The following FAM200C variants were observed in gnomAD, a reference collection of about 807,000 sequenced individuals.
At chr5:160,394,229 T>C in the FAM200C span, 1 of 1,612,160 alleles carries the variant, frequency 6.2e-7, no homozygotes, top group South Asian at 1.1e-5. Flanking sequence ...AAAATTTCTT[T>C]TCTCAATTCG....
chr5:160,398,697 G>T, the FAM200C span, among the ~76,000 whole-genome samples: 1 of 152,198 alleles, frequency 6.6e-6, no homozygotes, highest in Non-Finnish European at 1.5e-5. Context: ...CCCTCAAAAA[G>T]GGAGAACAGG....
the FAM200C span, chr5:160,394,031 T>A: frequency 6.2e-7 from 1 of 1,612,190 alleles, no homozygotes; most frequent in Non-Finnish European, 8.5e-7. Context: ...TAAATAACTA[T>A]CATCAACAAA....
At chr5:160,398,030 T>G in the FAM200C span, among the ~76,000 whole-genome samples, 1 of 152,096 alleles carries the variant, frequency 6.6e-6, no homozygotes, top group Non-Finnish European at 1.5e-5. Flanking sequence ...TCACTTGAGG[T>G]CAGGAGTTCC....
At chr5:160,394,095 C>A in the FAM200C span, 1 of 1,613,316 alleles carries the variant, frequency 6.2e-7, no homozygotes. Context: ...TCATTAAGAT[C>A]TCCAATGGAA....
chr5:160,393,791 T>C, the FAM200C span: 1 of 1,589,458 alleles, frequency 6.3e-7, no homozygotes, highest in Non-Finnish European at 8.6e-7. Flanking sequence ...CACACGGATA[T>C]CATCACTCAG....
the FAM200C span, among the ~76,000 whole-genome samples, chr5:160,395,781 G>A: frequency 6.6e-6 from 1 of 152,180 alleles, no homozygotes; most frequent in Non-Finnish European, 1.5e-5. Context: ...ATGAACACCT[G>A]TAAGTCCTTT....
chr5:160,397,982 C>T, the FAM200C span, among the ~76,000 whole-genome samples: 2 of 152,238 alleles, frequency 1.3e-5, no homozygotes, highest in African/African-American at 2.4e-5. Flanking sequence ...TGGCTCACGC[C>T]TGCTACCCCA....
the FAM200C span, among the ~76,000 whole-genome samples, chr5:160,397,773 CA>C: frequency 9.2e-5 from 14 of 152,170 alleles, no homozygotes; most frequent in Non-Finnish European, 4.4e-5. Context: ...CTTCTTTTGT[CA>C]AGTAATGAGA....
chr5:160,393,836 A>G, the FAM200C span: 17 of 1,613,310 alleles, frequency 1.1e-5, no homozygotes, highest in African/African-American at 1.6e-4. Context: ...TTTGAAATGT[A>G]AAAGTGATGA....
the FAM200C span, chr5:160,394,617 A>T: frequency 6.2e-7 from 1 of 1,614,166 alleles, no homozygotes; most frequent in Non-Finnish European, 8.5e-7. Flanking sequence ...ACCACAGTAA[A>T]CAGAGCATCC....
the FAM200C span, chr5:160,394,531 T>G: frequency 6.2e-7 from 1 of 1,614,152 alleles, no homozygotes. Flanking sequence ...CACTATATTC[T>G]ATGCCAATTT....
the FAM200C span, among the ~76,000 whole-genome samples, chr5:160,396,977 G>T: frequency 6.6e-6 from 1 of 152,216 alleles, no homozygotes; most frequent in African/African-American, 2.4e-5. Flanking sequence ...CAGCTATGGA[G>T]TGGGGGCCTA....
the FAM200C span, chr5:160,393,703 A>T: frequency 6.5e-7 from 1 of 1,534,390 alleles, no homozygotes. Flanking sequence ...AAAGTATATC[A>T]GCTTACAGTG....
the FAM200C span, chr5:160,394,519 G>A: frequency 3.1e-6 from 5 of 1,613,978 alleles, no homozygotes; most frequent in Non-Finnish European, 4.2e-6. Flanking sequence ...GGAAAAGGAG[G>A]ACACTATATT....
chr5:160,395,672 G>T, the FAM200C span: 1 of 615,282 alleles, frequency 1.6e-6, no homozygotes. Flanking sequence ...AGCCATGACA[G>T]GATATAGTTC....
the FAM200C span, chr5:160,394,751 G>A: frequency 6.8e-6 from 11 of 1,613,996 alleles, no homozygotes; most frequent in African/African-American, 1.5e-4. Context: ...TCCTAGCATA[G>A]AGGAGGCACC....
chr5:160,395,527 C>T, the FAM200C span: 2 of 1,555,054 alleles, frequency 1.3e-6, no homozygotes, highest in South Asian at 1.1e-5. Context: ...TCCAGAGATG[C>T]CACAGAATTT....
chr5:160,393,596 GT>G, the FAM200C span: 1 of 855,408 alleles, frequency 1.2e-6, no homozygotes, highest in South Asian at 1.7e-5. Flanking sequence ...AAGTTCTTAA[GT>G]TTTTTAGACA....
chr5:160,397,066 C>A, the FAM200C span, among the ~76,000 whole-genome samples: 2 of 152,210 alleles, frequency 1.3e-5, no homozygotes. Context: ...GACACCATAT[C>A]ATCACAATCA....
Sources: allele counts gnomAD v4.1 joint callset (sites outside exome capture counted in the v4.1 genomes callset), GRCh38; gene constraint gnomAD v4.1.1; transcripts MANE v1.5.